The following RHBDD1 variants were observed in gnomAD, a reference collection of about 807,000 sequenced individuals.
The protein encoded by RHBDD1 is rhomboid domain containing 1, also known as rhomboid-related protein 4.
RHBDD1 carries 38 observed loss-of-function variants against 36.3 expected under a neutral mutation model. The ratio of observed to expected loss-of-function variants is 1.05; its 90% CI spans 0.81 to 1.37. RHBDD1 has a LOEUF of 1.37. Among genes scored for constraint, RHBDD1 ranks in the 40% most tolerant of loss-of-function variants. RHBDD1 has a pLI of 0.00. For missense variants in RHBDD1, 393 were observed against 377.6 expected (o/e 1.04, Z -0.34); for synonymous variants, 151 against 136.5 (o/e 1.11, Z -0.74).
In RHBDD1 at chr2:226,974,225, T is replaced by TTTTTATTTTATTTTATTTTA. The variant is rs145186235; in HGVS notation, c.857-21196_857-21177dup. On this transcript the variant is annotated intron_variant, in intron 8 of 8. Transcript: ENST00000392062. ...AGAGTGTTGTATGGGTGTTGCCCTT[T>TTTTTATTTTATTTTATTTTA]TTTTATTTTATTTTATTTTATTTTA... Among the ~76,000 whole-genome samples, 145 of 148,260 alleles carry TTTTTATTTTATTTTATTTTA rather than the reference T, an allele frequency of 9.8e-4. 1 individual carries two copies. The highest frequency in any genetic ancestry group is 2.5e-3 in the African/African-American group (99 of 39,984).
chr2:226,889,394 T>C (rs1331185057), intron 5 of RHBDD1, among the ~76,000 whole-genome samples: 2 of 152,190 alleles, frequency 1.3e-5, no homozygotes, highest in Admixed American at 1.3e-4. Flanking sequence ...TTAGTTGCGA[T>C]TGAGTTTTCT....
At chr2:226,879,591 GC>G (rs1945535012) in intron 5 of RHBDD1, among the ~76,000 whole-genome samples, 1 of 152,098 alleles carries the variant, frequency 6.6e-6, no homozygotes, top group South Asian at 2.1e-4. Context: ...GTTATCTAGA[GC>G]AAAGGAGAAA....
At chr2:226,900,716 T>TC (rs1013416367) in intron 5 of RHBDD1, among the ~76,000 whole-genome samples, 1 of 152,090 alleles carries the variant, frequency 6.6e-6, no homozygotes, top group Non-Finnish European at 1.5e-5. Context: ...ACTTGTATTT[T>TC]CCCCCCAGCT....
intron 8 of RHBDD1, among the ~76,000 whole-genome samples, chr2:226,985,656 C>T (rs573519404): frequency 3.9e-5 from 6 of 152,374 alleles, no homozygotes; most frequent in Middle Eastern, 3.4e-3. Context: ...AAAACTACAG[C>T]GGCCTGGGCT....
At chr2:226,881,516 T>C (rs1945734282) in intron 5 of RHBDD1, among the ~76,000 whole-genome samples, 1 of 152,224 alleles carries the variant, frequency 6.6e-6, no homozygotes, top group African/African-American at 2.4e-5. Context: ...TACTACCTCA[T>C]CATTCAGATT....
At chr2:226,937,649 C>T (rs1261447294) in intron 8 of RHBDD1, among the ~76,000 whole-genome samples, 5 of 152,012 alleles carry the variant, frequency 3.3e-5, no homozygotes, top group African/African-American at 7.2e-5. Flanking sequence ...TGTGTCCATG[C>T]GTTCTCATCA....
rs74867803 is a variant in RHBDD1, at chr2:226,960,219, A to G, written c.857-35212A>G. Among the ~76,000 whole-genome samples, 965 of 152,272 alleles carry G rather than the reference A, an allele frequency of 6.3e-3. 17 individuals are homozygous for G. Among genetic ancestry groups the G allele is most frequent in the African/African-American group, 0.022 (925 of 41,538 alleles). On this transcript the variant is annotated intron_variant, in intron 8 of 8. Transcript: ENST00000392062. ...TGTTTGAGAGTTCGAGGTCCTCCCT[A>G]TCCTCCCCAACACTTGCTATGGTCA... is the stretch of plus-strand genomic sequence containing the variant.
intron 8 of RHBDD1, among the ~76,000 whole-genome samples, chr2:226,954,964 G>A (rs1951692303): frequency 6.6e-6 from 1 of 152,042 alleles, no homozygotes; most frequent in African/African-American, 2.4e-5. Flanking sequence ...CGTTCACCCA[G>A]AGGGACTTGC....
chr2:226,989,680 G>A (rs1957747546), intron 8 of RHBDD1, among the ~76,000 whole-genome samples: 1 of 152,160 alleles, frequency 6.6e-6, no homozygotes, highest in South Asian at 2.1e-4. Flanking sequence ...ACACTGACCT[G>A]ACATAGTGGA....
Position 226,906,885 on chromosome 2 carries a change from C to T in RHBDD1, c.655+4C>T. The T allele has an allele frequency of 6.2e-7, 1 of 1,613,678 alleles. No homozygotes were observed. The highest frequency in any genetic ancestry group is 8.5e-7 in the Non-Finnish European group (1 of 1,179,592). On this transcript the variant is annotated splice_donor_region_variant and intron_variant, in intron 6 of 8. Transcript: ENST00000392062. Reference sequence around the variant, plus strand: ...AAAATCATGGAAGCATGTGCAGGTACAGAATAAAACACCTTTGGCATGACA... The same window carrying T: ...AAAATCATGGAAGCATGTGCAGGTATAGAATAAAACACCTTTGGCATGACA...
chr2:226,819,980 T>G, the RHBDD1 span, among the ~76,000 whole-genome samples: 188 of 88,062 alleles, frequency 2.1e-3, 1 homozygote, highest in African/African-American at 0.012. Context: ...TGTGTGTGTT[T>G]TTTTTTTTTT....
At chr2:226,857,750 T>G (rs1943469922) in intron 3 of RHBDD1, among the ~76,000 whole-genome samples, 1 of 152,142 alleles carries the variant, frequency 6.6e-6, no homozygotes, top group African/African-American at 2.4e-5. Context: ...ACAGAAAGTA[T>G]TAATAGATTA....
chr2:226,961,805 A>G (rs1406325174), intron 8 of RHBDD1, among the ~76,000 whole-genome samples: 1 of 152,206 alleles, frequency 6.6e-6, no homozygotes, highest in East Asian at 1.9e-4. Context: ...CCTGCTTTCC[A>G]CATATTAACT....
At chr2:226,960,161 AG>A (rs1648070041) in intron 8 of RHBDD1, among the ~76,000 whole-genome samples, 1 of 152,152 alleles carries the variant, frequency 6.6e-6, no homozygotes, top group Non-Finnish European at 1.5e-5. Context: ...TGTTTTCCAA[AG>A]TGCTGGTTCT....
At chr2:226,866,218 C>T (rs1281567512) in intron 4 of RHBDD1, among the ~76,000 whole-genome samples, 2 of 152,022 alleles carry the variant, frequency 1.3e-5, no homozygotes, top group African/African-American at 4.8e-5. Flanking sequence ...CTACAAGGCA[C>T]GCACCACCAT....
chr2:226,805,738 T>G, the RHBDD1 span, among the ~76,000 whole-genome samples: 1 of 152,254 alleles, frequency 6.6e-6, no homozygotes, highest in Admixed American at 6.5e-5. Flanking sequence ...CTTCATTTGT[T>G]TATTTTTTAA....
At chr2:226,955,817 C>A (rs1951752099) in intron 8 of RHBDD1, among the ~76,000 whole-genome samples, 2 of 152,210 alleles carry the variant, frequency 1.3e-5, no homozygotes, top group Non-Finnish European at 1.5e-5. Flanking sequence ...TAGGGCTCCA[C>A]CCCTATCACC....
At chr2:226,806,745 T>C in the RHBDD1 span, among the ~76,000 whole-genome samples, 3 of 152,170 alleles carry the variant, frequency 2.0e-5, no homozygotes, top group South Asian at 2.1e-4. Context: ...TCTCACACTT[T>C]CTCTTTTTCT....
intron 5 of RHBDD1, among the ~76,000 whole-genome samples, chr2:226,894,531 A>G (rs1946943090): frequency 6.6e-6 from 1 of 152,208 alleles, no homozygotes; most frequent in Non-Finnish European, 1.5e-5. Flanking sequence ...TCGGCCTCCC[A>G]AAGTGCTTGG....
Sources: gnomAD v4.1 joint callset for allele counts (sites outside exome capture counted in the v4.1 genomes callset) on GRCh38, gnomAD v4.1.1 for gene constraint, MANE v1.5 for transcripts, NCBI Gene and HGNC (gene_info 2026-07-23, HGNC 2026-07-21) for gene names.